The following ABCA13 variants were observed in gnomAD, a reference collection of about 807,000 sequenced individuals.
The protein encoded by ABCA13 is ATP binding cassette subfamily A member 13.
ABCA13 carries 476 observed loss-of-function variants against 478.7 expected under a neutral mutation model. The ratio of observed to expected loss-of-function variants is 0.99; its 90% CI spans 0.92 to 1.07. The LOEUF (loss-of-function observed/expected upper bound fraction) is 1.07, where lower values mean the gene tolerates loss of function less well. ABCA13 is among the 50% of genes least tolerant of loss of function. The pLI is 0.00. For synonymous variants in ABCA13, 2,252 were observed against 2,158.9 expected (o/e 1.04, Z -1.20); for missense variants, 6,060 against 5,910.6 (o/e 1.03, Z -0.83).
intron 56 of ABCA13, among the ~76,000 whole-genome samples, chr7:48,581,457 A>G (rs969820117): frequency 6.6e-6 from 1 of 152,194 alleles, no homozygotes; most frequent in Admixed American, 6.5e-5. Flanking sequence ...GGTTGTAGTT[A>G]AACAGTTATT....
rs764989334 is a variant in ABCA13, at chr7:48,350,641, A to G, written c.10205-2A>G. On this transcript the variant is annotated splice_acceptor_variant, in intron 29 of 61. Transcript: ENST00000435803. LOFTEE classifies it high-confidence loss of function. The stretch of plus-strand genomic sequence containing the variant: ...GTGTCCTAATCTGTTCACTTTCCTC[A>G]GGAGGGCTGCTGGATGAGATGTTTA... 20 of 1,611,634 alleles carry G rather than the reference A, an allele frequency of 1.2e-5. 1 individual carries two copies. In the Admixed American group the frequency reaches 3.0e-4, roughly 24 times the overall value.
At chr7:48,415,799 T>C (rs1275425049) in intron 41 of ABCA13, among the ~76,000 whole-genome samples, 1 of 152,250 alleles carries the variant, frequency 6.6e-6, no homozygotes, top group Non-Finnish European at 1.5e-5. Flanking sequence ...TTAATTGTTT[T>C]GTTAATTATT....
intron 57 of ABCA13, among the ~76,000 whole-genome samples, chr7:48,588,436 T>C (rs570620057): frequency 6.6e-6 from 1 of 152,218 alleles, no homozygotes; most frequent in Admixed American, 6.5e-5. Context: ...GGGCCTCTGC[T>C]CTGTAGCCAT....
At chr7:48,232,989 C>A (rs1416410965) in intron 7 of ABCA13, among the ~76,000 whole-genome samples, 2 of 152,156 alleles carry the variant, frequency 1.3e-5, no homozygotes, top group Admixed American at 6.5e-5. Context: ...GGTCCTAGTA[C>A]CTCTTCAACA....
rs2128750794 is a variant in ABCA13 at position 48,272,801 on chromosome 7, A to G, written c.3135A>G (p.Gln1045=). The G allele has an allele frequency of 6.2e-7, 1 of 1,605,726 alleles. No homozygotes were observed. Among genetic ancestry groups the G allele is most frequent in the East Asian group, 2.2e-5 (1 of 44,670 alleles). ...SIFNFLELQA[Q]SFMSTEGQEL... The stretch of plus-strand genomic sequence containing the variant: ...TTAACTTTTTGGAGCTTCAGGCCCA[A>G]TCCTTCATGTCTACAGAGGGCCAAG... The change falls in exon 17 of 62, where the codon CAA becomes CAG. Residue 1045 remains glutamine (Q), a synonymous_variant. Transcript: ENST00000435803.
In ABCA13 at chr7:48,301,905, C is replaced by A. The variant is rs377477619; in HGVS notation, c.9321+3418C>A. Among the ~76,000 whole-genome samples, 209 of 152,268 alleles carry A rather than the reference C, an allele frequency of 1.4e-3. 8 individuals carry two copies. The South Asian group carries it at 0.042, about 30-fold the overall frequency. On this transcript the variant is annotated intron_variant, in intron 23 of 61. Transcript: ENST00000435803. ...CATTCACTAAAATAAAGTGAAATTC[C>A]AGCTACTCTCCTTCCATTAAGTCAG...
rs546575464 is a variant in ABCA13 at position 48,306,339 on chromosome 7, A to G, written c.9322-3608A>G. Among the ~76,000 whole-genome samples, 5 of 152,368 alleles carry G rather than the reference A, an allele frequency of 3.3e-5. 1 individual carries two copies. The South Asian group carries it at 8.3e-4, about 25-fold the overall frequency. Reference sequence around the variant, plus strand: ...TGGGGACCACTGTGTGACATGCTAGAAAGTAATTAATACAAATGTTCTATG... The same window carrying G: ...TGGGGACCACTGTGTGACATGCTAGGAAGTAATTAATACAAATGTTCTATG... On this transcript the variant is annotated intron_variant, in intron 23 of 61. Coordinates refer to ENST00000435803, the MANE Select transcript of ABCA13 (RefSeq NM_152701.5).
At chr7:48,399,943 C>T (rs1817364351) in intron 38 of ABCA13, among the ~76,000 whole-genome samples, 1 of 152,156 alleles carries the variant, frequency 6.6e-6, no homozygotes, top group Non-Finnish European at 1.5e-5. Context: ...CCTGTCTTAT[C>T]TGAGGTCATT....
chr7:48,377,306 C>A (rs1045134054), intron 35 of ABCA13, among the ~76,000 whole-genome samples: 1 of 151,802 alleles, frequency 6.6e-6, no homozygotes, highest in East Asian at 1.9e-4. Context: ...GCAGAAATAG[C>A]ACTTTAAAAT....
chr7:48,511,797 A>T (rs996179460), intron 51 of ABCA13, among the ~76,000 whole-genome samples: 1 of 152,176 alleles, frequency 6.6e-6, no homozygotes, highest in East Asian at 1.9e-4. Flanking sequence ...GCTTATATAC[A>T]GGCTAACTAC....
intron 29 of ABCA13, among the ~76,000 whole-genome samples, chr7:48,349,720 C>T (rs920756660): frequency 3.9e-4 from 59 of 152,266 alleles, no homozygotes; most frequent in African/African-American, 1.0e-3. Flanking sequence ...CTGCCATGTC[C>T]GGGGACAAAT....
At chr7:48,645,095 T>C (rs2131707589) in intron 61 of ABCA13, among the ~76,000 whole-genome samples, 1 of 152,266 alleles carries the variant, frequency 6.6e-6, no homozygotes, top group East Asian at 1.9e-4. Flanking sequence ...AGCTAACTTC[T>C]GGGGAAACAA....
intron 25 of ABCA13, 55 bp downstream of exon 25, chr7:48,313,286 A>G (rs887400945): frequency 8.0e-5 from 122 of 1,527,204 alleles, no homozygotes; most frequent in Non-Finnish European, 1.0e-4. Context: ...CCTTCTTTGT[A>G]TTTGCCCCTT....
Position 48,466,966 on chromosome 7 carries a change from G to T in ABCA13, c.12826G>T (p.Asp4276Tyr). The T allele has an allele frequency of 6.2e-7, 1 of 1,613,892 alleles. No individual in the cohort carries two copies. Among genetic ancestry groups the T allele is most frequent in the East Asian group, 2.2e-5 (1 of 44,870 alleles). Residue 4276 changes from aspartate (D) to tyrosine (Y), a missense_variant, in exon 44 of 62, where the codon GAC becomes TAC. Around this residue, in one of 3 missense-constraint regions of ABCA13, gnomAD observed 1,627 missense variants for 1,571.0 expected, o/e 1.04. Coordinates refer to ENST00000435803, the MANE Select transcript of ABCA13 (RefSeq NM_152701.5). The stretch of plus-strand genomic sequence containing the variant: ...CACAATGAACAGCAGCAGTGGGGGC[G>T]ACAACTTGGACCTCACCCGTGTGCT... Reference protein sequence around the residue: ...AETYFFSSGGDNLDLTRVLLR... With the variant: ...AETYFFSSGGYNLDLTRVLLR...
intron 19 of ABCA13, 55 bp from the exon 20 acceptor site, chr7:48,287,905 C>T: frequency 7.6e-7 from 1 of 1,315,878 alleles, no homozygotes; most frequent in Non-Finnish European, 1.1e-6. Context: ...GTGAGAGTGG[C>T]TAGTTCAGGA....
At chr7:48,233,996 A>C (rs1789562456) in intron 7 of ABCA13, 22 bp from the exon 8 acceptor site, 1 of 1,612,632 alleles carries the variant, frequency 6.2e-7, no homozygotes, top group Non-Finnish European at 8.5e-7. Flanking sequence ...CTGCTGGTGT[A>C]AATCTTTTGT....
At position 48,310,025 on chromosome 7, in the gene ABCA13, A is replaced by G. The variant is rs757419953; in HGVS notation, c.9400A>G (p.Lys3134Glu). 67 of 1,613,862 alleles carry G rather than the reference A, an allele frequency of 4.2e-5. 1 individual carries two copies. The Middle Eastern group carries it at 9.9e-4, about 24-fold the overall frequency. Residue 3134 changes from lysine (K) to glutamate (E), a missense_variant, in exon 24 of 62, where the codon AAA becomes GAA. By Grantham distance (56) the Lys-to-Glu change is moderately conservative. Around this residue, in one of 3 missense-constraint regions of ABCA13, gnomAD observed 4,423 missense variants for 4,309.1 expected, o/e 1.03. Transcript: ENST00000435803. ...CCTTCATCTCCTGCTGACATTTCCC[A>G]AAGGGGAAAAATCTTGGATCGCAGC... ...EILHLLLTFPKGEKSWIAAEE... is the reference protein window; with the variant it reads ...EILHLLLTFPEGEKSWIAAEE...
intron 27 of ABCA13, among the ~76,000 whole-genome samples, chr7:48,328,922 T>G (rs1424523175): frequency 6.6e-6 from 1 of 152,170 alleles, no homozygotes; most frequent in East Asian, 1.9e-4. Context: ...CTCTCATGCA[T>G]TGCTGTTGGG....
chr7:48,451,148 C>T (rs1824977590), intron 42 of ABCA13, among the ~76,000 whole-genome samples: 2 of 151,936 alleles, frequency 1.3e-5, no homozygotes, highest in South Asian at 2.1e-4. Context: ...CAGGCATACA[C>T]CACCATGCCT....
Sources: allele counts gnomAD v4.1 joint callset (sites outside exome capture counted in the v4.1 genomes callset), GRCh38; gene constraint gnomAD v4.1.1; regional missense constraint gnomAD v4.1.1; transcripts MANE v1.5; gene names NCBI Gene and HGNC (gene_info 2026-07-23, HGNC 2026-07-21).